The following MCTP1 variants were observed in gnomAD, a reference collection of about 807,000 sequenced individuals.
MCTP1 encodes multiple C2 and transmembrane domain-containing protein 1.
MCTP1 carries 69 observed loss-of-function variants against 120.6 expected under a neutral mutation model. The ratio of observed to expected loss-of-function variants is 0.57; its 90% CI spans 0.47 to 0.70. The LOEUF (loss-of-function observed/expected upper bound fraction) is 0.70, where lower values mean the gene tolerates loss of function less well. Among genes scored for constraint, MCTP1 ranks in the 30% least tolerant of loss-of-function variants. MCTP1 has a pLI of 0.00. For synonymous variants in MCTP1, 529 were observed against 493.1 expected (o/e 1.07, Z -0.96); for missense variants, 1,203 against 1,248.8 (o/e 0.96, Z 0.55).
chr5:94,944,442 C>T (rs1418965258), intron 3 of MCTP1, among the ~76,000 whole-genome samples: 1 of 152,136 alleles, frequency 6.6e-6, no homozygotes, highest in Non-Finnish European at 1.5e-5. Flanking sequence ...ATACAATTTA[C>T]ACCAAAACAT....
At chr5:95,041,208 GAT>G (rs1842295791) in intron 1 of MCTP1, among the ~76,000 whole-genome samples, 1 of 149,492 alleles carries the variant, frequency 6.7e-6, no homozygotes, top group Non-Finnish European at 1.5e-5. Context: ...TACTTTTACA[GAT>G]GTGGAAACTG....
At chr5:95,172,293 C>A (rs919084581) in intron 1 of MCTP1, among the ~76,000 whole-genome samples, 1 of 152,134 alleles carries the variant, frequency 6.6e-6, no homozygotes, top group East Asian at 1.9e-4. Flanking sequence ...GGTACCTGGC[C>A]GTGTGAGGTG....
At chr5:95,282,165 A>C (rs190617518) in intron 1 of MCTP1, among the ~76,000 whole-genome samples, 99 of 152,356 alleles carry the variant, frequency 6.5e-4, no homozygotes, top group Middle Eastern at 3.4e-3. Context: ...TCTTCTCCAG[A>C]ATAAGTTTAT....
At chr5:95,172,195 A>G (rs1747398453) in intron 1 of MCTP1, among the ~76,000 whole-genome samples, 1 of 152,128 alleles carries the variant, frequency 6.6e-6, no homozygotes, top group South Asian at 2.1e-4. Context: ...TTGCCTACGT[A>G]TCAGCAGTGG....
intron 1 of MCTP1, among the ~76,000 whole-genome samples, chr5:95,033,619 T>G (rs1840692417): frequency 6.6e-6 from 1 of 152,008 alleles, no homozygotes. Flanking sequence ...ATAGCTAACA[T>G]CACACTGAAT....
intron 12 of MCTP1, among the ~76,000 whole-genome samples, chr5:94,882,288 A>G (rs980690157): frequency 3.9e-5 from 6 of 152,278 alleles, no homozygotes; most frequent in Non-Finnish European, 4.4e-5. Flanking sequence ...GCTTAGACCA[A>G]GGACAGAGCC....
intron 13 of MCTP1, 89 bp downstream of exon 13, chr5:94,873,050 A>T (rs946034979): frequency 7.0e-5 from 55 of 782,344 alleles, no homozygotes; most frequent in Non-Finnish European, 1.1e-4. Context: ...TCAGTTAAGA[A>T]TAAACACACA....
At chr5:94,807,947 T>C (rs1782692442) in intron 17 of MCTP1, among the ~76,000 whole-genome samples, 1 of 152,228 alleles carries the variant, frequency 6.6e-6, no homozygotes, top group South Asian at 2.1e-4. Flanking sequence ...ATTTCCTATG[T>C]GATGGCATGA....
At chr5:95,006,369 A>G (rs1452114666) in intron 2 of MCTP1, among the ~76,000 whole-genome samples, 1 of 151,756 alleles carries the variant, frequency 6.6e-6, no homozygotes, top group Non-Finnish European at 1.5e-5. Flanking sequence ...GTATATATAT[A>G]TATGTATATT....
intron 1 of MCTP1, among the ~76,000 whole-genome samples, chr5:95,021,331 T>A (rs1488747845): frequency 1.3e-5 from 2 of 152,070 alleles, no homozygotes; most frequent in Non-Finnish European, 2.9e-5. Flanking sequence ...TCAATAAATG[T>A]TAGCTATTGT....
intron 1 of MCTP1, among the ~76,000 whole-genome samples, chr5:95,067,500 A>G (rs983335859): frequency 5.3e-5 from 8 of 152,168 alleles, no homozygotes; most frequent in African/African-American, 1.9e-4. Flanking sequence ...CTCTATAGAA[A>G]ATCCAAAGGG....
At chr5:95,152,851 A>G (rs1225833494) in intron 1 of MCTP1, among the ~76,000 whole-genome samples, 4 of 152,104 alleles carry the variant, frequency 2.6e-5, no homozygotes, top group African/African-American at 2.4e-5. Context: ...CTTGGTCCCA[A>G]ATGATTCCCC....
intron 19 of MCTP1, among the ~76,000 whole-genome samples, chr5:94,751,987 T>A (rs910970788): frequency 6.7e-6 from 1 of 148,996 alleles, no homozygotes; most frequent in Non-Finnish European, 1.5e-5. Context: ...AGGGTTAGCA[T>A]TGGGAGATAT....
chr5:95,070,672 A>G lies in MCTP1; in HGVS notation c.721-53188T>C, dbSNP rs75674343. Among the ~76,000 whole-genome samples the G allele has an allele frequency of 9.2e-5, 14 of 152,284 alleles. No homozygotes were observed. In the East Asian group the frequency reaches 2.7e-3, roughly 29 times the overall value. Reference sequence around the variant, plus strand: ...GAGAGCAACACTCAGGAACTCAGCAACTACCTACCAGACTTTGGCCATGTG... The same window carrying G: ...GAGAGCAACACTCAGGAACTCAGCAGCTACCTACCAGACTTTGGCCATGTG... On this transcript the variant is annotated intron_variant, in intron 1 of 22. Coordinates refer to ENST00000515393, the MANE Select transcript of MCTP1 (RefSeq NM_024717.7).
intron 1 of MCTP1, among the ~76,000 whole-genome samples, chr5:95,197,276 T>A (rs1351323267): frequency 6.6e-6 from 1 of 152,212 alleles, no homozygotes; most frequent in Non-Finnish European, 1.5e-5. Context: ...TAAGATTATA[T>A]CTGCTAAACA....
Position 94,870,968 on chromosome 5 carries a change from T to C in MCTP1, c.2145A>G (p.Gln715=), listed in dbSNP as rs1349952535. The change falls in exon 15 of 23, where the codon CAA becomes CAG. Residue 715 remains glutamine (Q), a synonymous_variant. Transcript: ENST00000515393. ...GKVAIPLLSI[Q]NGEQKAYVLK... ...AGACGTAGGCTTTCTGTTCACCATTTTGAATCTGCGGGAAAAGGACATGAC... is the reference window on the plus strand; with the variant it reads ...AGACGTAGGCTTTCTGTTCACCATTCTGAATCTGCGGGAAAAGGACATGAC... The C allele has an allele frequency of 6.2e-7, 1 of 1,612,764 alleles. No individual in the cohort carries two copies. Among genetic ancestry groups the C allele is most frequent in the Non-Finnish European group, 8.5e-7 (1 of 1,179,216 alleles).
intron 18 of MCTP1, among the ~76,000 whole-genome samples, chr5:94,794,538 G>A (rs191861241): frequency 9.8e-5 from 15 of 152,340 alleles, no homozygotes; most frequent in Admixed American, 7.2e-4. Context: ...GCCCATGCAT[G>A]TAGCATAGAT....
In MCTP1 at chr5:95,257,498, T is replaced by C. The variant is rs537241731; in HGVS notation, c.720+26358A>G. Among the ~76,000 whole-genome samples the C allele has an allele frequency of 5.3e-5, 8 of 152,284 alleles. No individual in the cohort carries two copies. In the South Asian group the frequency reaches 1.7e-3, roughly 32 times the overall value. On this transcript the variant is annotated intron_variant, in intron 1 of 22. Transcript: ENST00000515393. ...ATGCCTACATTGTTTTTTTAATCTT[T>C]CAATGAACTTATATTCATAGATTAT...
chr5:95,262,455 T>A (rs1758548904), intron 1 of MCTP1, among the ~76,000 whole-genome samples: 1 of 151,950 alleles, frequency 6.6e-6, no homozygotes, highest in South Asian at 2.1e-4. Context: ...TTAGGAAATG[T>A]GAGGAAATCA....
Sources: gnomAD v4.1 joint callset for allele counts (sites outside exome capture counted in the v4.1 genomes callset) on GRCh38, gnomAD v4.1.1 for gene constraint, MANE v1.5 for transcripts, NCBI Gene and HGNC (gene_info 2026-07-23, HGNC 2026-07-21) for gene names.